Variants in NOL4 observed in about 807,000 individuals in gnomAD.
NOL4 encodes the protein nucleolar protein 4, also known as cancer/testis antigen 125.
A neutral mutation model predicts 75.9 loss-of-function variants in NOL4; 17 were observed. The ratio of observed to expected loss-of-function variants is 0.22; its 90% CI spans 0.15 to 0.34. The LOEUF (loss-of-function observed/expected upper bound fraction) is 0.34. NOL4 is among the 10% of genes least tolerant of loss of function. The probability of loss-of-function intolerance (pLI) is 1.00; values close to 1 mark genes in which losing one functional copy is unlikely to be tolerated. For synonymous variants in NOL4, 292 were observed against 289.9 expected (o/e 1.01, Z -0.07); for missense variants, 614 against 793.5 (o/e 0.77, Z 2.72).
chr18:34,086,966 C>G (rs1377424787), intron 5 of NOL4, among the ~76,000 whole-genome samples: 4 of 152,112 alleles, frequency 2.6e-5, no homozygotes. Flanking sequence ...ACATGCTATT[C>G]CTCATTCAAA....
intron 9 of NOL4, among the ~76,000 whole-genome samples, chr18:33,905,434 G>A (rs548716321): frequency 6.6e-6 from 1 of 152,196 alleles, no homozygotes; most frequent in East Asian, 1.9e-4. Flanking sequence ...CCAGAAACCA[G>A]GAAAACAGTG....
chr18:33,998,423 A>G (rs955953337), intron 6 of NOL4, among the ~76,000 whole-genome samples: 2 of 152,114 alleles, frequency 1.3e-5, no homozygotes, highest in Non-Finnish European at 2.9e-5. Context: ...CCAGTATTAT[A>G]TACCTTTTGA....
intron 9 of NOL4, among the ~76,000 whole-genome samples, chr18:33,904,404 G>GA (rs2065912139): frequency 6.6e-6 from 1 of 151,832 alleles, no homozygotes; most frequent in African/African-American, 2.4e-5. Context: ...GGGAGCCCCA[G>GA]AAAAAAACCT....
At chr18:34,206,859 C>T (rs989442833) in intron 1 of NOL4, among the ~76,000 whole-genome samples, 1 of 151,890 alleles carries the variant, frequency 6.6e-6, no homozygotes, top group African/African-American at 2.4e-5. Context: ...AATATTAGAT[C>T]TTTTGATACT....
chr18:33,888,800 C>A (rs2064922009), intron 9 of NOL4, among the ~76,000 whole-genome samples: 1 of 152,062 alleles, frequency 6.6e-6, no homozygotes, highest in Admixed American at 6.6e-5. Flanking sequence ...GTACTAATAC[C>A]ATGCTGTTTC....
At chr18:34,189,159 G>A (rs568984141) in intron 1 of NOL4, among the ~76,000 whole-genome samples, 67 of 152,282 alleles carry the variant, frequency 4.4e-4, no homozygotes, top group African/African-American at 1.6e-3. Flanking sequence ...CGTTGGATTA[G>A]GGCCTTGTGC....
intron 9 of NOL4, among the ~76,000 whole-genome samples, chr18:33,894,977 G>A (rs554649256): frequency 2.0e-5 from 3 of 152,158 alleles, no homozygotes; most frequent in East Asian, 1.9e-4. Context: ...AATTTCAAAT[G>A]TCTCACCATA....
At chr18:34,199,097 T>C (rs1316177575) in intron 1 of NOL4, among the ~76,000 whole-genome samples, 1 of 151,678 alleles carries the variant, frequency 6.6e-6, no homozygotes, top group Non-Finnish European at 1.5e-5. Context: ...TTATGAATTC[T>C]CAGAGGAAAT....
At chr18:34,082,279 C>T (rs1349909523) in intron 5 of NOL4, among the ~76,000 whole-genome samples, 3 of 151,984 alleles carry the variant, frequency 2.0e-5, no homozygotes, top group Non-Finnish European at 4.4e-5. Flanking sequence ...AACCAGAAGG[C>T]TGTGTTCCAA....
chr18:34,051,307 T>A (rs1166294646), intron 5 of NOL4, among the ~76,000 whole-genome samples: 7 of 152,064 alleles, frequency 4.6e-5, no homozygotes, highest in Admixed American at 1.3e-4. Flanking sequence ...ACTTTAGAAT[T>A]CTAAATGTGT....
At chr18:33,994,618 A>G (rs2073147326) in intron 6 of NOL4, among the ~76,000 whole-genome samples, 1 of 151,734 alleles carries the variant, frequency 6.6e-6, no homozygotes, top group African/African-American at 2.4e-5. Flanking sequence ...AACATACCCA[A>G]TCTTGTGAGA....
chr18:33,926,300 TA>T (rs2067319451), intron 9 of NOL4, among the ~76,000 whole-genome samples: 1 of 135,654 alleles, frequency 7.4e-6, no homozygotes, highest in Non-Finnish European at 1.5e-5. Context: ...GCAGAGGTTG[TA>T]GTGAGCCGAG....
At chr18:34,071,438 G>GACACACACACACACACACACACACACAC (rs61428886) in intron 5 of NOL4, among the ~76,000 whole-genome samples, 1 of 147,694 alleles carries the variant, frequency 6.8e-6, no homozygotes, top group East Asian at 2.0e-4. Flanking sequence ...CAGACAGACA[G>GACACACACACACACACACACACACACAC]ACACACACAC....
intron 5 of NOL4, among the ~76,000 whole-genome samples, chr18:34,054,299 A>G (rs1157408494): frequency 6.6e-6 from 1 of 151,828 alleles, no homozygotes; most frequent in African/African-American, 2.4e-5. Flanking sequence ...AAAGTGGGGT[A>G]TTGAAGTCTC....
intron 5 of NOL4, among the ~76,000 whole-genome samples, chr18:34,032,584 T>C (rs2075692894): frequency 6.6e-6 from 1 of 152,096 alleles, no homozygotes; most frequent in Admixed American, 6.6e-5. Flanking sequence ...ACTGGCCCAC[T>C]CGGCTCATCA....
At chr18:34,046,936 T>C (rs1877110006) in intron 5 of NOL4, among the ~76,000 whole-genome samples, 1 of 151,848 alleles carries the variant, frequency 6.6e-6, no homozygotes, top group Non-Finnish European at 1.5e-5. Context: ...ACCAAAAAGG[T>C]TGTTGGAATA....
chr18:34,025,922 C>T (rs552575726), intron 5 of NOL4, among the ~76,000 whole-genome samples: 8 of 152,080 alleles, frequency 5.3e-5, no homozygotes, highest in Non-Finnish European at 1.0e-4. Flanking sequence ...TACCCCTGCC[C>T]TTCAACAGTT....
At chr18:34,114,128 TA>T (rs1325021141) in intron 2 of NOL4, among the ~76,000 whole-genome samples, 1 of 152,204 alleles carries the variant, frequency 6.6e-6, no homozygotes, top group Non-Finnish European at 1.5e-5. Flanking sequence ...TAATCATTCA[TA>T]AATGTCATAA....
intron 1 of NOL4, among the ~76,000 whole-genome samples, chr18:34,175,971 G>A (rs1186494135): frequency 6.6e-6 from 1 of 152,014 alleles, no homozygotes; most frequent in Admixed American, 6.6e-5. Context: ...CCACAAGCAG[G>A]AATAAAAACA....
Sources: allele counts gnomAD v4.1 joint callset (sites outside exome capture counted in the v4.1 genomes callset), GRCh38; gene constraint gnomAD v4.1.1; transcripts MANE v1.5; gene names NCBI Gene and HGNC (gene_info 2026-07-23, HGNC 2026-07-21).